The following HIGD1C variants were observed in gnomAD, a reference collection of about 807,000 sequenced individuals.
HIGD1C encodes the protein HIG1 hypoxia inducible domain family member 1C, also known as HIG1 domain family member 1C.
HIGD1C carries 11 observed loss-of-function variants against 13.1 expected under a neutral mutation model. That is an observed-to-expected ratio of 0.84 (90% CI 0.53 to 1.39). HIGD1C has a LOEUF of 1.39. Ranked by LOEUF, HIGD1C falls within the 40% of genes most tolerant of loss-of-function variation. HIGD1C has a pLI of 0.00. For synonymous variants in HIGD1C, 36 were observed against 37.7 expected, an observed-to-expected ratio of 0.95 and a Z score of 0.17; for missense variants, 110 against 112.0, an observed-to-expected ratio of 0.98 and a Z score of 0.08.
the HIGD1C span, among the ~76,000 whole-genome samples, chr12:50,946,812 G>A: frequency 6.6e-6 from 1 of 152,114 alleles, no homozygotes; most frequent in African/African-American, 2.4e-5. Context: ...TAATGTAAAT[G>A]ACAAGTTAAT....
intron 2 of HIGD1C, among the ~76,000 whole-genome samples, chr12:50,969,998 TA>T (rs1033520875): frequency 3.9e-4 from 60 of 152,162 alleles, no homozygotes; most frequent in African/African-American, 1.4e-3. Context: ...AAGCCATACA[TA>T]TCATCCGCCT....
At chr12:50,972,529 A>C (rs1450294153), downstream of HIGD1C, among the ~76,000 whole-genome samples, 2 of 152,230 alleles carry the variant, frequency 1.3e-5, no homozygotes, top group Non-Finnish European at 2.9e-5. Context: ...AGATGGCCGA[A>C]TAGGAACAGC....
At chr12:50,958,820 C>T (rs1251268220) in intron 1 of HIGD1C, among the ~76,000 whole-genome samples, 1 of 151,380 alleles carries the variant, frequency 6.6e-6, no homozygotes, top group Non-Finnish European at 1.5e-5. Flanking sequence ...AGTTCAAAGC[C>T]AGCCTGGCCA....
At chr12:50,943,665 G>A in the HIGD1C span, among the ~76,000 whole-genome samples, 8 of 151,618 alleles carry the variant, frequency 5.3e-5, no homozygotes, top group East Asian at 1.9e-4. Context: ...AGCCGAGATC[G>A]CGCCACTGCA....
intron 2 of HIGD1C, among the ~76,000 whole-genome samples, chr12:50,964,599 C>T (rs1408424973): frequency 2.0e-5 from 3 of 152,196 alleles, no homozygotes. Context: ...AGAGTTCACA[C>T]AGCCCTGATA....
At chr12:50,955,100 T>C (rs928656078) in intron 1 of HIGD1C, among the ~76,000 whole-genome samples, 4 of 152,206 alleles carry the variant, frequency 2.6e-5, no homozygotes, top group Non-Finnish European at 5.9e-5. Flanking sequence ...AAGACCAGCC[T>C]GGCCAATAGG....
chr12:50,936,576 G>A, the HIGD1C span, among the ~76,000 whole-genome samples: 2 of 152,176 alleles, frequency 1.3e-5, no homozygotes, highest in African/African-American at 4.8e-5. Context: ...TGACTCAGAA[G>A]CCCAGGCCTC....
intron 1 of HIGD1C, among the ~76,000 whole-genome samples, chr12:50,960,717 C>G (rs1939292140): frequency 6.6e-6 from 1 of 151,976 alleles, no homozygotes; most frequent in African/African-American, 2.4e-5. Context: ...GGGTCTCACT[C>G]TGTCAACCAG....
the HIGD1C span, among the ~76,000 whole-genome samples, chr12:50,933,016 G>A: frequency 6.6e-6 from 1 of 152,184 alleles, no homozygotes; most frequent in Non-Finnish European, 1.5e-5. Flanking sequence ...TCATTACACT[G>A]AAAGATAATA....
chr12:50,955,228 G>T (rs1337023432), intron 1 of HIGD1C, among the ~76,000 whole-genome samples: 1 of 152,178 alleles, frequency 6.6e-6, no homozygotes, highest in Non-Finnish European at 1.5e-5. Context: ...GGGAGGTAGA[G>T]GTTGGGTGCA....
upstream of HIGD1C, among the ~76,000 whole-genome samples, chr12:50,950,392 CAT>C (rs1938866142): frequency 6.6e-6 from 1 of 152,060 alleles, no homozygotes; most frequent in African/African-American, 2.4e-5. Flanking sequence ...TAAAAATAAT[CAT>C]AGTGATGGAT....
chr12:50,943,453 G>T, the HIGD1C span, among the ~76,000 whole-genome samples: 631 of 152,212 alleles, frequency 4.1e-3, 7 homozygotes, highest in African/African-American at 0.014. Context: ...GCTCACACCT[G>T]TAATCCCAGC....
downstream of HIGD1C, among the ~76,000 whole-genome samples, chr12:50,972,323 T>C (rs142930227): frequency 2.0e-5 from 3 of 152,334 alleles, no homozygotes; most frequent in African/African-American, 7.2e-5. Flanking sequence ...TAAAGTAATA[T>C]ATTTGTTGCT....
the HIGD1C span, among the ~76,000 whole-genome samples, chr12:50,942,171 C>T: frequency 1.3e-5 from 2 of 152,156 alleles, no homozygotes; most frequent in Non-Finnish European, 2.9e-5. Context: ...CGTGAGCCAC[C>T]GCACCCGGCC....
At chr12:50,936,193 T>A in the HIGD1C span, among the ~76,000 whole-genome samples, 5 of 151,936 alleles carry the variant, frequency 3.3e-5, no homozygotes, top group Non-Finnish European at 7.4e-5. Context: ...CACACTGATG[T>A]CAATCTTCTC....
At chr12:50,937,495 G>A in the HIGD1C span, among the ~76,000 whole-genome samples, 2 of 152,212 alleles carry the variant, frequency 1.3e-5, no homozygotes, top group African/African-American at 4.8e-5. Context: ...CAGAAGGGCC[G>A]CAGCTTTTCT....
At chr12:50,955,846 CAAAG>C (rs1169401520) in intron 1 of HIGD1C, among the ~76,000 whole-genome samples, 2 of 152,142 alleles carry the variant, frequency 1.3e-5, no homozygotes, top group East Asian at 1.9e-4. Context: ...TAAACAGAGA[CAAAG>C]AGACATACGC....
chr12:50,960,913 C>A, intron 1 of HIGD1C, 55 bp from the exon 4 acceptor site: 1 of 1,470,634 alleles, frequency 6.8e-7, no homozygotes. Context: ...CTCCTGGTCT[C>A]ACACGATGCT....
the HIGD1C span, among the ~76,000 whole-genome samples, chr12:50,934,137 C>T: frequency 3.5e-3 from 538 of 152,336 alleles, 8 homozygotes; most frequent in Non-Finnish European, 3.9e-3. Flanking sequence ...AACAAATATA[C>T]ATTATAAACC....
Sources: allele counts gnomAD v4.1 joint callset (sites outside exome capture counted in the v4.1 genomes callset), GRCh38; gene constraint gnomAD v4.1.1; transcripts MANE v1.5; gene names NCBI Gene and HGNC (gene_info 2026-07-23, HGNC 2026-07-21).